The following MDGA2 variants were observed in gnomAD, a reference collection of about 807,000 sequenced individuals.
MDGA2 encodes MAM domain-containing glycosylphosphatidylinositol anchor protein 2.
Under a neutral mutation model 117.8 loss-of-function variants are expected in MDGA2, and 40 were observed. The ratio of observed to expected loss-of-function variants is 0.34; its 90% CI spans 0.26 to 0.44. The LOEUF (loss-of-function observed/expected upper bound fraction) is 0.44, where lower values mean the gene tolerates loss of function less well. Ranked by LOEUF, MDGA2 falls within the 20% of genes least tolerant of loss-of-function variation. The pLI, the probability that MDGA2 is intolerant of heterozygous loss-of-function variation, is 1.00. For missense variants in MDGA2, 1,123 were observed against 1,250.6 expected (o/e 0.90, Z 1.54); for synonymous variants, 452 against 439.0 (o/e 1.03, Z -0.37).
At chr14:47,100,953 G>C (rs1213846545) in intron 5 of MDGA2, among the ~76,000 whole-genome samples, 1 of 152,024 alleles carries the variant, frequency 6.6e-6, no homozygotes, top group Non-Finnish European at 1.5e-5. Context: ...ATGTAATAAT[G>C]GAAGGCACAG....
rs543826597 is a variant in MDGA2, at chr14:47,175,098, G to A, written c.596-30824C>T. Among the ~76,000 whole-genome samples, 821 of 151,740 alleles carry A rather than the reference G, an allele frequency of 5.4e-3. 12 individuals are homozygous for A. Among genetic ancestry groups the A allele is most frequent in the African/African-American group, 0.017 (686 of 41,194 alleles). On this transcript the variant is annotated intron_variant, in intron 3 of 16. Transcript: ENST00000399232. ...CATACACCCACCCAAGACTAAACCA[G>A]GAAGAAGTTGAATCTCTGAATAGAC...
chr14:47,260,475 T>G (rs1461677425), intron 2 of MDGA2, among the ~76,000 whole-genome samples: 9 of 152,034 alleles, frequency 5.9e-5, no homozygotes, highest in African/African-American at 2.2e-4. Flanking sequence ...TAATAAGGTG[T>G]GTCCAGAAGG....
intron 3 of MDGA2, among the ~76,000 whole-genome samples, chr14:47,195,518 T>C (rs1186649094): frequency 6.6e-6 from 1 of 152,092 alleles, no homozygotes; most frequent in East Asian, 1.9e-4. Flanking sequence ...TAGGCTTATA[T>C]CTACAAAGTT....
At chr14:46,994,346 C>T (rs1251683316) in intron 8 of MDGA2, among the ~76,000 whole-genome samples, 1 of 152,126 alleles carries the variant, frequency 6.6e-6, no homozygotes, top group Non-Finnish European at 1.5e-5. Context: ...AATTCTGAGT[C>T]CTTCTAACAA....
rs535920937 is a variant in MDGA2 at position 47,101,981 on chromosome 14, A to G, written c.926-4858T>C. On this transcript the variant is annotated intron_variant, in intron 5 of 16. Transcript: ENST00000399232. ...ATTTAATTTGGGGTTAAGTAATAATACATTATGTAGAAAGAAAACACTATT... is the reference window on the plus strand; with the variant it reads ...ATTTAATTTGGGGTTAAGTAATAATGCATTATGTAGAAAGAAAACACTATT... Among the ~76,000 whole-genome samples the G allele has an allele frequency of 1.2e-4, 19 of 152,326 alleles. No homozygotes were observed. In the South Asian group the frequency reaches 3.9e-3, roughly 32 times the overall value.
intron 1 of MDGA2, among the ~76,000 whole-genome samples, chr14:47,602,217 A>T (rs924652412): frequency 2.0e-5 from 3 of 152,140 alleles, no homozygotes; most frequent in Admixed American, 6.6e-5. Context: ...TAAACAACCA[A>T]TCGACAGACC....
intron 1 of MDGA2, among the ~76,000 whole-genome samples, chr14:47,383,139 G>C: frequency 6.6e-6 from 1 of 152,144 alleles, no homozygotes; most frequent in South Asian, 2.1e-4. Flanking sequence ...TCACTCATAG[G>C]TGGGAATTGA....
At chr14:47,112,560 T>C (rs963270041) in intron 5 of MDGA2, among the ~76,000 whole-genome samples, 1 of 152,206 alleles carries the variant, frequency 6.6e-6, no homozygotes, top group Non-Finnish European at 1.5e-5. Flanking sequence ...TCCATGTCCC[T>C]GCAAAGAACA....
At chr14:47,458,463 G>T (rs948968692) in intron 1 of MDGA2, among the ~76,000 whole-genome samples, 1 of 152,084 alleles carries the variant, frequency 6.6e-6, no homozygotes, top group Non-Finnish European at 1.5e-5. Flanking sequence ...TTTGTGTATG[G>T]TGAGAGCAGA....
At chr14:47,621,371 T>A (rs1468580549) in intron 1 of MDGA2, among the ~76,000 whole-genome samples, 1 of 152,128 alleles carries the variant, frequency 6.6e-6, no homozygotes. Context: ...AATTTTTTTT[T>A]TAGAGACATG....
intron 7 of MDGA2, among the ~76,000 whole-genome samples, chr14:47,056,516 A>C (rs897397270): frequency 6.6e-6 from 1 of 152,136 alleles, no homozygotes; most frequent in African/African-American, 2.4e-5. Context: ...AGATCATCAA[A>C]ATCTGTATTG....
intron 2 of MDGA2, among the ~76,000 whole-genome samples, chr14:47,229,546 T>G (rs1019878355): frequency 6.6e-6 from 1 of 151,972 alleles, no homozygotes; most frequent in Admixed American, 6.6e-5. Flanking sequence ...AAATAAAAGA[T>G]CTGTTAATCA....
At chr14:46,901,127 C>T (rs1481167216) in intron 10 of MDGA2, among the ~76,000 whole-genome samples, 1 of 135,116 alleles carries the variant, frequency 7.4e-6, no homozygotes, top group Non-Finnish European at 1.5e-5. Context: ...TACACACAAA[C>T]TTGTTATAGT....
chr14:47,140,258 C>T (rs1229143449), intron 4 of MDGA2, among the ~76,000 whole-genome samples: 1 of 151,942 alleles, frequency 6.6e-6, no homozygotes, highest in African/African-American at 2.4e-5. Context: ...TCTGTGCTAT[C>T]CAAAGTGATC....
At chr14:47,266,145 A>C (rs1305780193) in intron 2 of MDGA2, among the ~76,000 whole-genome samples, 1 of 152,154 alleles carries the variant, frequency 6.6e-6, no homozygotes, top group Non-Finnish European at 1.5e-5. Context: ...TAACTAGCCC[A>C]AATTATCGCA....
At chr14:47,472,877 G>C (rs1018229379) in intron 1 of MDGA2, among the ~76,000 whole-genome samples, 1 of 152,084 alleles carries the variant, frequency 6.6e-6, no homozygotes, top group Non-Finnish European at 1.5e-5. Flanking sequence ...TACATGAAGG[G>C]TGATTACAGG....
intron 1 of MDGA2, among the ~76,000 whole-genome samples, chr14:47,502,569 GT>G (rs780418657): frequency 1.3e-5 from 2 of 152,138 alleles, no homozygotes. Context: ...TTCTGAGAAG[GT>G]TTTTATTAAA....
At chr14:46,983,969 A>T (rs1056061102) in intron 8 of MDGA2, among the ~76,000 whole-genome samples, 1 of 152,024 alleles carries the variant, frequency 6.6e-6, no homozygotes, top group Admixed American at 6.6e-5. Context: ...AATTATAACT[A>T]ATCTGATTGA....
At chr14:46,972,526 T>C (rs1176753200) in intron 8 of MDGA2, among the ~76,000 whole-genome samples, 2 of 152,154 alleles carry the variant, frequency 1.3e-5, no homozygotes, top group Non-Finnish European at 2.9e-5. Context: ...ATAACAAATG[T>C]GTAAAGTATT....
Sources: allele counts gnomAD v4.1 joint callset (sites outside exome capture counted in the v4.1 genomes callset), GRCh38; gene constraint gnomAD v4.1.1; transcripts MANE v1.5; gene names NCBI Gene and HGNC (gene_info 2026-07-23, HGNC 2026-07-21).